Variants in SNX32 observed in about 807,000 individuals in gnomAD.
The protein encoded by SNX32 is sorting nexin 32.
In SNX32, 58 loss-of-function variants were observed where a neutral mutation model predicts 57.0. The ratio of observed to expected loss-of-function variants is 1.02; its 90% confidence interval spans 0.82 to 1.27. The LOEUF is 1.27. Ranked by LOEUF, SNX32 falls within the 50% of genes most tolerant of loss-of-function variation. The pLI, the probability that SNX32 is intolerant of heterozygous loss-of-function variation, is 0.00. For missense variants in SNX32, 589 were observed against 541.2 expected (o/e 1.09, Z -0.88); for synonymous variants, 262 against 220.4 (o/e 1.19, Z -1.67).
Position 65,852,644 on chromosome 11 carries a change from G to T in SNX32, c.927G>T (p.Arg309=). 1 of 1,606,430 alleles carries T rather than the reference G, an allele frequency of 6.2e-7. No homozygotes were observed. ...DSQAAKDLLY[R]RLRALADYEN... ...CATGGTCCTAGGACCTGCTGTACCG[G>T]CGGCTGCGGGCACTGGCCGACTACG... Residue 309 remains arginine, a synonymous_variant, in exon 11 of 13, where the codon CGG becomes CGT. Coordinates refer to ENST00000308342, the MANE Select transcript of SNX32 (RefSeq NM_152760.3).
intron 1 of SNX32, among the ~76,000 whole-genome samples, chr11:65,840,894 GT>G (rs1347433183): frequency 1.3e-5 from 2 of 151,168 alleles, no homozygotes; most frequent in African/African-American, 4.8e-5. Context: ...AAGTAAATTT[GT>G]GGGGACCAAG....
At chr11:65,835,277 T>A (rs1001544277) in intron 1 of SNX32, among the ~76,000 whole-genome samples, 4 of 149,370 alleles carry the variant, frequency 2.7e-5, no homozygotes, top group Admixed American at 6.7e-5. Flanking sequence ...GACCCGTCAC[T>A]GTCACTCTTA....
chr11:65,834,924 G>T (rs879896763), intron 1 of SNX32, among the ~76,000 whole-genome samples: 4 of 150,862 alleles, frequency 2.7e-5, no homozygotes, highest in Non-Finnish European at 4.4e-5. Context: ...GTCTATGTCA[G>T]TGTGTCTGTG....
chr11:65,852,746 G>A lies in SNX32; in HGVS notation c.1029G>A (p.Leu343=). Residue 343 remains leucine (L), a synonymous_variant, in exon 11 of 13, where the codon CTG becomes CTA. Coordinates refer to ENST00000308342, the MANE Select transcript of SNX32 (RefSeq NM_152760.3). ...EVRPAESHQQ[L]CCQRFERLSD... ...GGCCCGCCGAGAGCCACCAGCAGCT[G>A]TGCTGCCAACGCTTCGAGCGCCTCT... 1 of 1,608,144 alleles carries A rather than the reference G, an allele frequency of 6.2e-7. No individual in the cohort carries two copies.
chr11:65,852,769 T>TCTCCGA lies in SNX32; in HGVS notation c.1058_1063dup (p.Asp353_Ser354dup). 2 of 1,607,334 alleles carry TCTCCGA rather than the reference T, an allele frequency of 1.2e-6. No homozygotes were observed. The highest frequency in any genetic ancestry group is 1.7e-6 in the Non-Finnish European group (2 of 1,177,758). ...CTGTGCTGCCAACGCTTCGAGCGCC[T>TCTCCGA]CTCCGACTCCGCCAAGCAAGGTGAG... On this transcript the variant is annotated inframe_insertion, in exon 11 of 13. Coordinates refer to ENST00000308342, the MANE Select transcript of SNX32 (RefSeq NM_152760.3).
At chr11:65,843,211 A>C (rs1858896336) in intron 1 of SNX32, among the ~76,000 whole-genome samples, 1 of 114,414 alleles carries the variant, frequency 8.7e-6, no homozygotes, top group South Asian at 3.4e-4. Flanking sequence ...ACAGAGCAAG[A>C]CTCCGTCTCA....
chr11:65,838,908 T>G (rs1449852750), intron 1 of SNX32, among the ~76,000 whole-genome samples: 2 of 152,086 alleles, frequency 1.3e-5, no homozygotes, highest in Non-Finnish European at 2.9e-5. Flanking sequence ...AAAATATTTT[T>G]AAATTTATGA....
At chr11:65,844,707 C>A (rs1956540045) in intron 1 of SNX32, among the ~76,000 whole-genome samples, 1 of 152,214 alleles carries the variant, frequency 6.6e-6, no homozygotes, top group Admixed American at 6.5e-5. Flanking sequence ...TGGCTCACAT[C>A]TGTAATCCTA....
Position 65,852,807 on chromosome 11 carries a change from A to G in SNX32, c.1072+18A>G. ...CAAGCAAGGTGAGCCCGCAGCCCCC[A>G]GCCCCAGCCTGGGGCCACATGCCCT... is the stretch of plus-strand genomic sequence containing the variant. On this transcript the variant is annotated intron_variant, in intron 11 of 12. Transcript: ENST00000308342. 6.2e-7 allele frequency: 1 copy of G among 1,610,066 alleles called. No individual in the cohort carries two copies. Among genetic ancestry groups the G allele is most frequent in the Non-Finnish European group, 8.5e-7 (1 of 1,177,468 alleles).
At chr11:65,840,461 G>C (rs1275351658) in intron 1 of SNX32, among the ~76,000 whole-genome samples, 1 of 152,098 alleles carries the variant, frequency 6.6e-6, no homozygotes, top group Admixed American at 6.5e-5. Context: ...TGGAAAGGAA[G>C]AACTAAAACT....
rs771658172 is a variant in SNX32 at position 65,849,988 on chromosome 11, G to C, written c.210G>C (p.Leu70=). The C allele has an allele frequency of 1.1e-4, 175 of 1,612,276 alleles. No homozygotes were observed. The highest frequency in any genetic ancestry group is 1.4e-4 in the Non-Finnish European group (169 of 1,178,678). Reference sequence around the variant, plus strand: ...GGCAGCACGAGGAGTTCATCTGGCTGCATGATGCCTACGTGGAGAATGAGG... The same window carrying C: ...GGCAGCACGAGGAGTTCATCTGGCTCCATGATGCCTACGTGGAGAATGAGG... ...VVRQHEEFIW[L]HDAYVENEEY... Residue 70 remains leucine (L), a synonymous_variant, in exon 3 of 13, where the codon CTG becomes CTC. Transcript: ENST00000308342.
At position 65,850,877 on chromosome 11, in the gene SNX32, C is replaced by T. The variant is rs373583794; in HGVS notation, c.603+22C>T. On this transcript the variant is annotated intron_variant, in intron 6 of 12. Transcript: ENST00000308342. ...CAAGGTAACCCCTGGTGCTCCTCTC[C>T]GGATTCAACCCAGCACCTCAAGTCC... The T allele has an allele frequency of 1.2e-4, 188 of 1,599,952 alleles. 1 individual carries two copies. The highest frequency in any genetic ancestry group is 1.7e-4 in the African/African-American group (13 of 74,742).
At position 65,837,645 on chromosome 11, in the gene SNX32, C is replaced by T. The variant is rs1200090909; in HGVS notation, c.36+3544C>T. On this transcript the variant is annotated intron_variant, in intron 1 of 12. Transcript: ENST00000308342. ...GACCAGCCTGGCCAACAGAGCGGAC[C>T]CCCATCTCTACTAAAAATACAAAAA... 4.0e-5 allele frequency among the ~76,000 whole-genome samples: 6 copies of T among 151,142 alleles called. No homozygotes were observed. The East Asian group carries it at 1.2e-3, about 29-fold the overall frequency.
At chr11:65,839,223 G>GTTTTTTTTTTTTTTTTTTT (rs755185237) in intron 1 of SNX32, among the ~76,000 whole-genome samples, 808 of 22,990 alleles carry the variant, frequency 0.035, 281 homozygotes, top group South Asian at 0.054. Flanking sequence ...TAATTTTTTT[G>GTTTTTTTTTTTTTTTTTTT]TATTTTTTTT....
Position 65,850,838 on chromosome 11 carries a change from G to A in SNX32, c.586G>A (p.Gly196Ser), listed in dbSNP as rs529238184. 10 of 1,613,676 alleles carry A rather than the reference G, an allele frequency of 6.2e-6. No homozygotes were observed. In the Admixed American group the frequency reaches 1.7e-4, roughly 27 times the overall value. ...GTCCGCGGATGAAGCCCTCATCACG[G>A]GCATGTCAGGGCTCAAGGTAACCCC... ...VKSADEALITGMSGLKEVDDF... is the reference protein window; with the variant it reads ...VKSADEALITSMSGLKEVDDF... The change falls in exon 6 of 13, where the codon GGC (glycine) becomes AGC (serine). Residue 196 changes from glycine (G) to serine (S), a missense_variant. Transcript: ENST00000308342.
rs1177458280 is a variant in SNX32 at position 65,851,654 on chromosome 11, T to C, written c.800T>C (p.Leu267Ser). 1 of 1,614,106 alleles carries C rather than the reference T, an allele frequency of 6.2e-7. No homozygotes were observed. The highest frequency in any genetic ancestry group is 1.3e-5 in the African/African-American group (1 of 75,038). Residue 267 changes from leucine to serine, a missense_variant, in exon 9 of 13, where the codon TTG becomes TCG. Transcript: ENST00000308342. Reference sequence around the variant, plus strand: ...CTGCTTCCTAGGAGCTTCCTCAAATTGGCAGAGCTCTTTGAACGGCTGAGG... The same window carrying C: ...CTGCTTCCTAGGAGCTTCCTCAAATCGGCAGAGCTCTTTGAACGGCTGAGG... Reference protein sequence around the residue: ...VNQLRTSFLKLAELFERLRKL... With the variant: ...VNQLRTSFLKSAELFERLRKL...
rs1452425867 is a variant in SNX32 at position 65,851,058 on chromosome 11, G to A, written c.607G>A (p.Val203Met). 2 of 1,613,674 alleles carry A rather than the reference G, an allele frequency of 1.2e-6. No homozygotes were observed. The highest frequency in any genetic ancestry group is 2.7e-5 in the African/African-American group (2 of 75,028). ...GGGTCCTGCCTGGCTCCCTTAGGAG[G>A]TGGATGACTTCTTTGAGCATGAGAG... ...LITGMSGLKE[V>M]DDFFEHERTF... The change falls in exon 7 of 13, where the codon GTG becomes ATG. Residue 203 changes from valine (V) to methionine (M), a missense_variant. Physicochemically the swap from Val to Met is conservative, Grantham distance 21. Transcript: ENST00000308342.
chr11:65,842,949 CAAAAAAAAA>C (rs922615169), intron 1 of SNX32, among the ~76,000 whole-genome samples: 9 of 41,238 alleles, frequency 2.2e-4, no homozygotes, highest in African/African-American at 6.4e-4. Flanking sequence ...AACTCCATCT[CAAAAAAAAA>C]AAAAAAAAAA....
intron 1 of SNX32, among the ~76,000 whole-genome samples, chr11:65,846,266 G>T (rs146990690): frequency 6.8e-6 from 1 of 147,016 alleles, no homozygotes; most frequent in African/African-American, 2.5e-5. Flanking sequence ...GTGAGACTTC[G>T]TCTCAAAAAA....
Sources: gnomAD v4.1 joint callset for allele counts (sites outside exome capture counted in the v4.1 genomes callset) on GRCh38, gnomAD v4.1.1 for gene constraint, MANE v1.5 for transcripts, NCBI Gene and HGNC (gene_info 2026-07-23, HGNC 2026-07-21) for gene names.